The following ITGA2 variants were observed in gnomAD, a reference collection of about 807,000 sequenced individuals.
ITGA2 encodes the protein integrin subunit alpha 2.
Under a neutral mutation model 146.3 loss-of-function variants are expected in ITGA2, and 101 were observed. The ratio of observed to expected loss-of-function variants is 0.69; its 90% CI spans 0.59 to 0.81. The LOEUF (loss-of-function observed/expected upper bound fraction) is 0.81. ITGA2 is among the 40% of genes least tolerant of loss of function. The pLI, the probability that ITGA2 is intolerant of heterozygous loss-of-function variation, is 0.00. For missense variants in ITGA2, 1,281 were observed against 1,402.7 expected (o/e 0.91, Z 1.39); for synonymous variants, 477 against 487.1 (o/e 0.98, Z 0.27).
At chr5:53,054,918 A>C (rs1744561156) in intron 7 of ITGA2, among the ~76,000 whole-genome samples, 1 of 152,122 alleles carries the variant, frequency 6.6e-6, no homozygotes, top group East Asian at 1.9e-4. Context: ...CCTGTTCCCC[A>C]AAAACCTATG....
chr5:53,017,789 G>T (rs1742467369), intron 1 of ITGA2, among the ~76,000 whole-genome samples: 2 of 152,168 alleles, frequency 1.3e-5, no homozygotes, highest in Admixed American at 1.3e-4. Flanking sequence ...GCATGCACTG[G>T]CAGGGGAGGA....
chr5:53,088,545 G>T (rs948089183), intron 28 of ITGA2, among the ~76,000 whole-genome samples: 2 of 152,000 alleles, frequency 1.3e-5, no homozygotes, highest in African/African-American at 4.8e-5. Context: ...AATTAGCTGG[G>T]TGTGGTGGTG....
intron 1 of ITGA2, among the ~76,000 whole-genome samples, chr5:52,998,732 G>T (rs1253883014): frequency 6.6e-6 from 1 of 152,106 alleles, no homozygotes; most frequent in Non-Finnish European, 1.5e-5. Context: ...CTTACTGACT[G>T]CAAGCTGAGA....
chr5:53,081,183 G>A (rs1745899933), intron 25 of ITGA2, among the ~76,000 whole-genome samples: 1 of 152,128 alleles, frequency 6.6e-6, no homozygotes, highest in South Asian at 2.1e-4. Context: ...GAGAAGCGCT[G>A]CTCTAGCCAA....
intron 9 of ITGA2, among the ~76,000 whole-genome samples, chr5:53,057,330 A>C (rs535183478): frequency 6.6e-6 from 1 of 152,006 alleles, no homozygotes; most frequent in East Asian, 1.9e-4. Flanking sequence ...CTTCTTTTCT[A>C]TATTAAAGTG....
chr5:53,057,815 G>A (rs1744711710), intron 9 of ITGA2, among the ~76,000 whole-genome samples: 1 of 151,886 alleles, frequency 6.6e-6, no homozygotes, highest in African/African-American at 2.4e-5. Context: ...TACCTTGGAA[G>A]TGTTGTTATT....
intron 19 of ITGA2, 47 bp downstream of exon 19, chr5:53,072,742 A>G (rs1186285403): frequency 2.1e-5 from 29 of 1,383,960 alleles, no homozygotes; most frequent in Non-Finnish European, 2.8e-5. Context: ...AATAAAAGAC[A>G]TACTAGATTA....
chr5:53,053,328 G>A (rs1330122824), intron 7 of ITGA2, among the ~76,000 whole-genome samples: 1 of 152,108 alleles, frequency 6.6e-6, no homozygotes, highest in African/African-American at 2.4e-5. Context: ...TCTATTCAGG[G>A]ACAATAAAGG....
rs1740607709 is a variant in ITGA2 at position 53,094,586 on chromosome 5, A to G, written c.*3987A>G. 6.6e-6 allele frequency: 1 copy of G among 152,202 alleles called. No individual in the cohort carries two copies. The highest frequency in any genetic ancestry group is 2.1e-4 in the South Asian group (1 of 4,834). The allele number at this position is 152,202 out of a possible 1,614,324, so 9.4% of individuals were successfully genotyped here. Reference sequence around the variant, plus strand: ...TAAAAATAAATGCATGTTTGTACAAAAAGTTGCAGAATTCATTTGATTTAT... The same window carrying G: ...TAAAAATAAATGCATGTTTGTACAAGAAGTTGCAGAATTCATTTGATTTAT... On this transcript the variant is annotated 3_prime_UTR_variant, in exon 30 of 30. Coordinates refer to ENST00000296585, the MANE Select transcript of ITGA2 (RefSeq NM_002203.4).
chr5:53,023,346 C>G (rs1433958276), intron 1 of ITGA2, among the ~76,000 whole-genome samples: 1 of 152,174 alleles, frequency 6.6e-6, no homozygotes, highest in African/African-American at 2.4e-5. Flanking sequence ...CTTTGCCTTC[C>G]TCTTTATGTA....
intron 7 of ITGA2, among the ~76,000 whole-genome samples, chr5:53,054,724 T>A (rs2111938098): frequency 6.6e-6 from 1 of 152,206 alleles, no homozygotes. Flanking sequence ...CTGTTTAGAA[T>A]ATGCCCTCAT....
rs142892401 is a variant in ITGA2, at chr5:52,992,301, C to G, written c.64+2769C>G. 1.2e-3 allele frequency among the ~76,000 whole-genome samples: 179 copies of G among 152,118 alleles called. 2 individuals are homozygous for G. In the South Asian group the frequency reaches 0.028, roughly 23 times the overall value. On this transcript the variant is annotated intron_variant, in intron 1 of 29. Coordinates refer to ENST00000296585, the MANE Select transcript of ITGA2 (RefSeq NM_002203.4). The stretch of plus-strand genomic sequence containing the variant: ...TGTTTGCAGAGTTTCATCCTGAATC[C>G]TCCTCTTCATTCTGCAGATTGTCTC...
chr5:53,013,409 A>G (rs1488046801), intron 1 of ITGA2, among the ~76,000 whole-genome samples: 5 of 149,578 alleles, frequency 3.3e-5, no homozygotes, highest in African/African-American at 1.2e-4. Context: ...CGAAGATCAG[A>G]TGGTTGTCAG....
At chr5:53,085,752 A>G (rs1746125339) in intron 27 of ITGA2, among the ~76,000 whole-genome samples, 1 of 152,204 alleles carries the variant, frequency 6.6e-6, no homozygotes, top group Admixed American at 6.5e-5. Flanking sequence ...ATGTCCAATA[A>G]TGTGCCCTAG....
chr5:53,069,105 T>C (rs937384753), intron 16 of ITGA2, among the ~76,000 whole-genome samples: 6 of 151,848 alleles, frequency 4.0e-5, no homozygotes, highest in African/African-American at 1.4e-4. Context: ...TTGGGAAGTA[T>C]ATACAACCTT....
chr5:53,061,810 A>G (rs770196126), intron 12 of ITGA2, among the ~76,000 whole-genome samples: 3 of 151,878 alleles, frequency 2.0e-5, no homozygotes, highest in Non-Finnish European at 4.4e-5. Flanking sequence ...GAAACTTACA[A>G]AGATTTCTCT....
intron 1 of ITGA2, among the ~76,000 whole-genome samples, chr5:52,993,520 C>G (rs1032807722): frequency 2.0e-5 from 3 of 152,154 alleles, no homozygotes; most frequent in Non-Finnish European, 4.4e-5. Context: ...ATCACCAAGA[C>G]AGGTAGATTT....
At chr5:53,046,194 C>CAAAAAAAAAAAAAAAAAAAAAAAAAAA (rs58926174) in intron 4 of ITGA2, among the ~76,000 whole-genome samples, 1 of 99,066 alleles carries the variant, frequency 1.0e-5, no homozygotes, top group African/African-American at 4.0e-5. Context: ...GACTCTGTCT[C>CAAAAAAAAAAAAAAAAAAAAAAAAAAA]AAAAAAAAAA....
At chr5:52,998,278 C>T (rs1284033594) in intron 1 of ITGA2, among the ~76,000 whole-genome samples, 3 of 151,918 alleles carry the variant, frequency 2.0e-5, no homozygotes, top group Non-Finnish European at 4.4e-5. Flanking sequence ...ATGGTGAAAC[C>T]CTGTCTCTAC....
Sources: gnomAD v4.1 joint callset for allele counts (sites outside exome capture counted in the v4.1 genomes callset) on GRCh38, gnomAD v4.1.1 for gene constraint, MANE v1.5 for transcripts, NCBI Gene and HGNC (gene_info 2026-07-23, HGNC 2026-07-21) for gene names.